The following TMEM117 variants were observed in gnomAD, a reference collection of about 807,000 sequenced individuals.
TMEM117 encodes transmembrane protein 117.
Under a neutral mutation model 52.4 loss-of-function variants are expected in TMEM117, and 27 were observed. The ratio of observed to expected loss-of-function variants is 0.51; its 90% CI spans 0.38 to 0.71. The LOEUF (loss-of-function observed/expected upper bound fraction) is 0.71. Ranked by LOEUF, TMEM117 falls within the 30% of genes least tolerant of loss-of-function variation. The pLI is 0.00. For synonymous variants in TMEM117, 215 were observed against 206.3 expected, an observed-to-expected ratio of 1.04 and a Z score of -0.36; for missense variants, 556 against 630.5, an observed-to-expected ratio of 0.88 and a Z score of 1.26.
intron 5 of TMEM117, among the ~76,000 whole-genome samples, chr12:44,225,745 G>A (rs527985101): frequency 3.9e-5 from 6 of 152,074 alleles, no homozygotes; most frequent in African/African-American, 9.7e-5. Context: ...ATCCGTCCTC[G>A]CTGTAGCAGA....
chr12:44,329,462 G>A (rs888360553), intron 6 of TMEM117, among the ~76,000 whole-genome samples: 1 of 152,114 alleles, frequency 6.6e-6, no homozygotes, highest in African/African-American at 2.4e-5. Context: ...TGTCTGTACC[G>A]TATTTGGTGT....
At chr12:44,032,041 A>G (rs542292660) in intron 3 of TMEM117, among the ~76,000 whole-genome samples, 1 of 152,308 alleles carries the variant, frequency 6.6e-6, no homozygotes, top group East Asian at 1.9e-4. Flanking sequence ...GCCCAAAGTT[A>G]TCCTGGGACC....
chr12:44,107,131 T>C (rs1479517680), intron 3 of TMEM117, among the ~76,000 whole-genome samples: 3 of 152,178 alleles, frequency 2.0e-5, no homozygotes, highest in Admixed American at 6.5e-5. Context: ...CAATAAATTA[T>C]CTCACTTAGT....
chr12:44,241,361 A>G (rs921929543), intron 5 of TMEM117, among the ~76,000 whole-genome samples: 2 of 151,758 alleles, frequency 1.3e-5, no homozygotes, highest in African/African-American at 4.8e-5. Context: ...TAATATCAAA[A>G]TTTTTAATCC....
chr12:43,829,865 G>A, the TMEM117 span, among the ~76,000 whole-genome samples: 1 of 152,088 alleles, frequency 6.6e-6, no homozygotes, highest in Non-Finnish European at 1.5e-5. Flanking sequence ...TGAGGCAGGT[G>A]GCTCACGAGG....
intron 3 of TMEM117, among the ~76,000 whole-genome samples, chr12:44,063,475 T>TTTA (rs1555198313): frequency 6.6e-6 from 1 of 152,156 alleles, no homozygotes; most frequent in African/African-American, 2.4e-5. Flanking sequence ...TTCTTTTTTT[T>TTTA]TTATTATTAT....
intron 4 of TMEM117, among the ~76,000 whole-genome samples, chr12:44,206,902 G>A (rs939788450): frequency 3.3e-5 from 5 of 152,060 alleles, no homozygotes; most frequent in Admixed American, 3.3e-4. Flanking sequence ...CACTTGTACA[G>A]CAAACCCCAG....
intron 6 of TMEM117, among the ~76,000 whole-genome samples, chr12:44,315,429 A>G (rs898957106): frequency 1.3e-5 from 2 of 152,194 alleles, no homozygotes; most frequent in Admixed American, 6.5e-5. Context: ...TGCTTCATCC[A>G]AGAGATTTTG....
chr12:44,011,006 A>G (rs1181929505), intron 3 of TMEM117, among the ~76,000 whole-genome samples: 2 of 152,152 alleles, frequency 1.3e-5, no homozygotes, highest in Non-Finnish European at 2.9e-5. Context: ...GGAAGTTTTG[A>G]CCTATATCAT....
chr12:44,039,513 G>A (rs982285791), intron 3 of TMEM117, among the ~76,000 whole-genome samples: 1 of 151,728 alleles, frequency 6.6e-6, no homozygotes, highest in African/African-American at 2.4e-5. Flanking sequence ...AGATGATGAA[G>A]TTCTACCAAA....
intron 4 of TMEM117, among the ~76,000 whole-genome samples, chr12:44,197,570 C>T (rs762558664): frequency 6.6e-6 from 1 of 152,076 alleles, no homozygotes; most frequent in Non-Finnish European, 1.5e-5. Context: ...TGATCATTCT[C>T]ATTTTTTCCA....
At chr12:44,188,913 A>G (rs77838534) in intron 4 of TMEM117, among the ~76,000 whole-genome samples, 1,745 of 152,274 alleles carry the variant, frequency 0.011, 21 homozygotes, top group South Asian at 0.052. Context: ...GTGCTTTAGC[A>G]TGTAACAAAT....
At chr12:44,037,161 G>A (rs911712647) in intron 3 of TMEM117, among the ~76,000 whole-genome samples, 2 of 152,108 alleles carry the variant, frequency 1.3e-5, no homozygotes, top group Non-Finnish European at 2.9e-5. Flanking sequence ...AGCCACCCAA[G>A]CCGTGGCTGC....
Position 43,945,645 on chromosome 12 carries a change from C to T in TMEM117, c.410+1303C>T, listed in dbSNP as rs558349175. On this transcript the variant is annotated intron_variant, in intron 3 of 7. Coordinates refer to ENST00000266534, the MANE Select transcript of TMEM117 (RefSeq NM_032256.3). ...GCCTGCTCTCAGTAAGTTTTAAGGC[C>T]GGAATGTAAGGAGATTGGCTTAGTA... Among the ~76,000 whole-genome samples the T allele has an allele frequency of 1.1e-3, 170 of 152,146 alleles. 1 individual carries two copies. The highest frequency in any genetic ancestry group is 3.3e-3 in the African/African-American group (139 of 41,514).
intron 3 of TMEM117, among the ~76,000 whole-genome samples, chr12:44,061,543 C>T (rs973876758): frequency 1.3e-5 from 2 of 152,094 alleles, no homozygotes; most frequent in African/African-American, 2.4e-5. Flanking sequence ...GGGGATTTTT[C>T]TGAGTGAAAC....
chr12:43,942,883 C>T (rs4768546), intron 2 of TMEM117, among the ~76,000 whole-genome samples: 100,936 of 151,960 alleles, frequency 0.66, 38,413 homozygotes, highest in Non-Finnish European at 0.82. Context: ...TATTTTCTAA[C>T]GTAAGAAATT....
the TMEM117 span, among the ~76,000 whole-genome samples, chr12:43,816,449 T>G: frequency 2.6e-5 from 4 of 151,948 alleles, no homozygotes; most frequent in Non-Finnish European, 5.9e-5. Context: ...TACCTATGAC[T>G]TTACTCACCT....
In TMEM117 at chr12:44,070,181, G is replaced by A. The variant is rs78928914; in HGVS notation, c.411-73344G>A. Among the ~76,000 whole-genome samples the A allele has an allele frequency of 1.8e-3, 273 of 152,250 alleles. 8 individuals carry two copies. In the East Asian group the frequency reaches 0.045, roughly 25 times the overall value. On this transcript the variant is annotated intron_variant, in intron 3 of 7. Transcript: ENST00000266534. ...GCTGGGATTACAGGCGTGAGCCACCGCACCTGGTCCCCAGACTCCTTTTAT... is the reference window on the plus strand; with the variant it reads ...GCTGGGATTACAGGCGTGAGCCACCACACCTGGTCCCCAGACTCCTTTTAT...
At chr12:44,275,522 A>G (rs780776752) in intron 5 of TMEM117, among the ~76,000 whole-genome samples, 12 of 152,154 alleles carry the variant, frequency 7.9e-5, no homozygotes, top group Non-Finnish European at 1.6e-4. Flanking sequence ...ACTGTTCACA[A>G]TAGCCACGAT....
Sources: gnomAD v4.1 joint callset for allele counts (sites outside exome capture counted in the v4.1 genomes callset) on GRCh38, gnomAD v4.1.1 for gene constraint, MANE v1.5 for transcripts, NCBI Gene and HGNC (gene_info 2026-07-23, HGNC 2026-07-21) for gene names.